Variants in WWP1 observed in about 807,000 individuals in gnomAD.
WWP1 encodes the protein NEDD4-like E3 ubiquitin-protein ligase WWP1.
WWP1 carries 49 observed loss-of-function variants against 130.6 expected under a neutral mutation model. The observed-to-expected ratio is 0.38, with a 90% CI of 0.30 to 0.48. The LOEUF (loss-of-function observed/expected upper bound fraction) is 0.48. Ranked by LOEUF, WWP1 falls within the 20% of genes least tolerant of loss-of-function variation. The pLI is 0.99. For synonymous variants in WWP1, 332 were observed against 367.8 expected (o/e 0.90, Z 1.11); for missense variants, 809 against 1,100.6 (o/e 0.74, Z 3.75).
At chr8:86,384,793 G>A (rs1321508006) in intron 5 of WWP1, among the ~76,000 whole-genome samples, 3 of 152,100 alleles carry the variant, frequency 2.0e-5, no homozygotes, top group Non-Finnish European at 4.4e-5. Context: ...CTGAGCTCAG[G>A]AGTTTGATAC....
In WWP1 at chr8:86,468,141, T is replaced by G. The variant is rs1275405423; in HGVS notation, c.*1248T>G. 1 of 188,806 alleles carries G rather than the reference T, an allele frequency of 5.3e-6. No homozygotes were observed. The highest frequency in any genetic ancestry group is 6.0e-5 in the Admixed American group (1 of 16,726). The allele number at this position is 188,806 out of a possible 1,614,324, so 11.7% of individuals were successfully genotyped here. On this transcript the variant is annotated 3_prime_UTR_variant, in exon 25 of 25. Coordinates refer to ENST00000517970, the MANE Select transcript of WWP1 (RefSeq NM_007013.4). ...ACAAAATTTTAAATTTCCATTTGTATCATGCTTTTAATATGCACTGTAAAT... is the reference window on the plus strand; with the variant it reads ...ACAAAATTTTAAATTTCCATTTGTAGCATGCTTTTAATATGCACTGTAAAT...
At chr8:86,400,688 T>C (rs897374480) in intron 7 of WWP1, among the ~76,000 whole-genome samples, 1 of 152,228 alleles carries the variant, frequency 6.6e-6, no homozygotes, top group African/African-American at 2.4e-5. Context: ...TGTATAATTT[T>C]ACCACCTGGC....
At chr8:86,398,902 CTCTACTG>C (rs2130488949) in intron 7 of WWP1, among the ~76,000 whole-genome samples, 1 of 152,240 alleles carries the variant, frequency 6.6e-6, no homozygotes, top group South Asian at 2.1e-4. Flanking sequence ...GTGTTACCTT[CTCTACTG>C]TCTGATTTCA....
chr8:86,368,605 A>G (rs748836148), intron 1 of WWP1, among the ~76,000 whole-genome samples: 12 of 152,182 alleles, frequency 7.9e-5, no homozygotes, highest in Non-Finnish European at 1.3e-4. Context: ...TTAAAGTACT[A>G]TGCATGGTAT....
chr8:86,402,031 A>T lies in WWP1; in HGVS notation c.552A>T (p.Glu184Asp). The T allele has an allele frequency of 6.4e-7, 1 of 1,573,764 alleles. No homozygotes were observed. Among genetic ancestry groups the T allele is most frequent in the African/African-American group, 1.4e-5 (1 of 73,196 alleles). ...TTTTTTTTTCAAGGTTGGCTGTTGA[A>T]GGCACGAATGGAATAGATAATCATG... Reference protein sequence around the residue: ...SARTTARLAVEGTNGIDNHVP... With the variant: ...SARTTARLAVDGTNGIDNHVP... Residue 184 changes from glutamate to aspartate, a missense_variant, in exon 8 of 25, where the codon GAA (glutamate) becomes GAT (aspartate). Physicochemically the swap from Glu to Asp is conservative, Grantham distance 45. Around this residue, in one of 3 missense-constraint regions of WWP1, gnomAD observed 262 missense variants for 346.0 expected, o/e 0.76. Coordinates refer to ENST00000517970, the MANE Select transcript of WWP1 (RefSeq NM_007013.4).
intron 5 of WWP1, among the ~76,000 whole-genome samples, chr8:86,389,850 C>T (rs1336095734): frequency 6.6e-6 from 1 of 151,474 alleles, no homozygotes; most frequent in Non-Finnish European, 1.5e-5. Flanking sequence ...CCACCTCCTT[C>T]CCAGATGGGG....
At chr8:86,424,498 A>C (rs916652000) in intron 9 of WWP1, among the ~76,000 whole-genome samples, 2 of 151,802 alleles carry the variant, frequency 1.3e-5, no homozygotes, top group South Asian at 4.1e-4. Context: ...ACGCCACTGC[A>C]CTCCAGCCTG....
chr8:86,454,714 C>T (rs529669727), intron 21 of WWP1, among the ~76,000 whole-genome samples: 10 of 151,864 alleles, frequency 6.6e-5, no homozygotes, highest in Non-Finnish European at 1.2e-4. Context: ...GAAACTAAAA[C>T]GGGAGATCAA....
At position 86,454,113 on chromosome 8, in the gene WWP1, G is replaced by A. The variant is rs192765947; in HGVS notation, c.2394+1434G>A. On this transcript the variant is annotated intron_variant, in intron 21 of 24. Coordinates refer to ENST00000517970, the MANE Select transcript of WWP1 (RefSeq NM_007013.4). ...GGGAGATTGGTTCTGTAGGGCACCT[G>A]TGGACACCACAATCCATGGACACTC... Among the ~76,000 whole-genome samples the A allele has an allele frequency of 4.3e-3, 650 of 152,196 alleles. 6 individuals carry two copies. The highest frequency in any genetic ancestry group is 0.015 in the African/African-American group (615 of 41,540).
chr8:86,392,847 C>G (rs559670200), intron 5 of WWP1, among the ~76,000 whole-genome samples: 3 of 151,996 alleles, frequency 2.0e-5, no homozygotes, highest in Admixed American at 2.0e-4. Flanking sequence ...TTTATTCTTT[C>G]GAAAATTTTT....
At chr8:86,361,456 A>G (rs1032883688) in intron 1 of WWP1, among the ~76,000 whole-genome samples, 1 of 152,140 alleles carries the variant, frequency 6.6e-6, no homozygotes, top group Non-Finnish European at 1.5e-5. Flanking sequence ...TTTTTCTAAA[A>G]TACACATATA....
chr8:86,392,952 C>T (rs528014610), intron 5 of WWP1, among the ~76,000 whole-genome samples: 2 of 152,102 alleles, frequency 1.3e-5, no homozygotes, highest in Non-Finnish European at 2.9e-5. Flanking sequence ...TATACACAAA[C>T]GTAGCGTATG....
chr8:86,355,417 A>G (rs910787349), intron 1 of WWP1, among the ~76,000 whole-genome samples: 3 of 152,218 alleles, frequency 2.0e-5, no homozygotes, highest in South Asian at 2.1e-4. Flanking sequence ...TGCAGCAAGT[A>G]TGTGTATTTC....
intron 16 of WWP1, among the ~76,000 whole-genome samples, 160 bp from the exon 17 acceptor site, chr8:86,438,425 A>G (rs368245018): frequency 1.3e-4 from 20 of 152,358 alleles, no homozygotes; most frequent in African/African-American, 4.8e-4. Context: ...GTATGTCTTC[A>G]TCTAGTTTGT....
Position 86,460,312 on chromosome 8 carries a change from G to C in WWP1, c.2500-912G>C, listed in dbSNP as rs1586514734. Among the ~76,000 whole-genome samples the C allele has an allele frequency of 2.6e-5, 4 of 152,230 alleles. No individual in the cohort carries two copies. In the East Asian group the frequency reaches 7.7e-4, roughly 29 times the overall value. Reference sequence around the variant, plus strand: ...GTTTTCTGTAGGTTAAAGGGGAGAGGGGTAATTGACTCAGGGAGGAATAAC... The same window carrying C: ...GTTTTCTGTAGGTTAAAGGGGAGAGCGGTAATTGACTCAGGGAGGAATAAC... On this transcript the variant is annotated intron_variant, in intron 22 of 24. Coordinates refer to ENST00000517970, the MANE Select transcript of WWP1 (RefSeq NM_007013.4).
intron 18 of WWP1, among the ~76,000 whole-genome samples, chr8:86,444,085 A>G (rs1337319794): frequency 1.3e-5 from 2 of 152,242 alleles, no homozygotes; most frequent in Admixed American, 6.5e-5. Flanking sequence ...AGAAGCAGGA[A>G]AATCATTTGT....
chr8:86,409,784 C>T (rs1474295600), intron 8 of WWP1, among the ~76,000 whole-genome samples: 3 of 151,656 alleles, frequency 2.0e-5, no homozygotes, highest in South Asian at 2.1e-4. Context: ...CGTTTGAACC[C>T]GGGAGGTGGA....
At chr8:86,344,652 G>A (rs1438206673) in intron 1 of WWP1, among the ~76,000 whole-genome samples, 1 of 152,168 alleles carries the variant, frequency 6.6e-6, no homozygotes, top group African/African-American at 2.4e-5. Context: ...TACTTGGCAA[G>A]GTAGGGATAA....
intron 5 of WWP1, among the ~76,000 whole-genome samples, chr8:86,385,023 CAAAA>C (rs11284469): frequency 7.2e-6 from 1 of 139,370 alleles, no homozygotes; most frequent in Non-Finnish European, 1.6e-5. Flanking sequence ...GACACTGTCT[CAAAA>C]AAAAAAAAAA....
Sources: allele counts gnomAD v4.1 joint callset (sites outside exome capture counted in the v4.1 genomes callset), GRCh38; gene constraint gnomAD v4.1.1; regional missense constraint gnomAD v4.1.1; transcripts MANE v1.5; gene names NCBI Gene and HGNC (gene_info 2026-07-23, HGNC 2026-07-21).